Variants in ARMC2 observed in about 807,000 individuals in gnomAD.
ARMC2 encodes armadillo repeat containing 2, also known as armadillo repeat-containing protein 2.
A neutral mutation model predicts 90.3 loss-of-function variants in ARMC2; 67 were observed. The ratio of observed to expected loss-of-function variants is 0.74; its 90% CI spans 0.61 to 0.91. The LOEUF is 0.91. Among genes scored for constraint, ARMC2 ranks in the 40% least tolerant of loss-of-function variants. The pLI, the probability that ARMC2 is intolerant of heterozygous loss-of-function variation, is 0.00. For missense variants in ARMC2, 920 were observed against 1,030.9 expected, an observed-to-expected ratio of 0.89 and a Z score of 1.47; for synonymous variants, 393 against 393.0, an observed-to-expected ratio of 1.00 and a Z score of 0.00.
At chr6:108,872,891 G>A (rs1195697575) in intron 4 of ARMC2, among the ~76,000 whole-genome samples, 2 of 152,198 alleles carry the variant, frequency 1.3e-5, no homozygotes, top group African/African-American at 4.8e-5. Context: ...GGGAAACACT[G>A]CCTACCCCTC....
chr6:108,972,605 G>C (rs1189678963), intron 17 of ARMC2, among the ~76,000 whole-genome samples: 1 of 152,076 alleles, frequency 6.6e-6, no homozygotes, highest in East Asian at 1.9e-4. Context: ...CTGACTTTTA[G>C]ATACAAACTT....
At chr6:109,035,794 G>A in the ARMC2 span, among the ~76,000 whole-genome samples, 1,333 of 152,198 alleles carry the variant, frequency 8.8e-3, 24 homozygotes, top group African/African-American at 0.03. Flanking sequence ...TTTTTGTAGA[G>A]ATGGAGTCTT....
chr6:108,928,027 G>C (rs1775241365), intron 10 of ARMC2, 61 bp from the exon 11 acceptor site: 1 of 1,501,842 alleles, frequency 6.7e-7, no homozygotes, highest in Non-Finnish European at 9.0e-7. Context: ...GTACTATGCT[G>C]TTTCGTGTGG....
At chr6:108,987,761 T>C in the ARMC2 span, 1 of 485,584 alleles carries the variant, frequency 2.1e-6, no homozygotes, top group South Asian at 3.5e-5. Context: ...TAACTTAGCC[T>C]TGGGTTTGTT....
chr6:109,023,755 A>G, the ARMC2 span, among the ~76,000 whole-genome samples: 1 of 152,264 alleles, frequency 6.6e-6, no homozygotes, highest in Non-Finnish European at 1.5e-5. Context: ...TAAAATGAGT[A>G]AAATTACCAT....
intron 10 of ARMC2, among the ~76,000 whole-genome samples, chr6:108,921,225 A>AG (rs1774535554): frequency 6.6e-6 from 1 of 152,218 alleles, no homozygotes; most frequent in South Asian, 2.1e-4. Flanking sequence ...ATACATACAT[A>AG]GCCACAACTA....
the ARMC2 span, among the ~76,000 whole-genome samples, chr6:109,012,987 G>A: frequency 6.6e-6 from 1 of 151,920 alleles, no homozygotes; most frequent in African/African-American, 2.4e-5. Context: ...GTGGTGGTGT[G>A]CGCCTGTAGT....
At chr6:108,972,375 G>T (rs1173129166) in intron 17 of ARMC2, among the ~76,000 whole-genome samples, 1 of 152,186 alleles carries the variant, frequency 6.6e-6, no homozygotes, top group African/African-American at 2.4e-5. Flanking sequence ...GAGAGAGTTT[G>T]GGGGTGGAAA....
chr6:109,040,695 C>T, the ARMC2 span, among the ~76,000 whole-genome samples: 1 of 151,574 alleles, frequency 6.6e-6, no homozygotes, highest in African/African-American at 2.4e-5. Flanking sequence ...CTCTGTCGCC[C>T]AGGCTGGAGT....
chr6:108,882,238 C>T (rs1423157201), intron 5 of ARMC2, among the ~76,000 whole-genome samples: 1 of 151,730 alleles, frequency 6.6e-6, no homozygotes, highest in African/African-American at 2.4e-5. Flanking sequence ...AGATCAAGAC[C>T]ATCCTGGCTA....
At chr6:108,986,437 T>C in the ARMC2 span, 1 of 152,598 alleles carries the variant, frequency 6.6e-6, no homozygotes, top group African/African-American at 2.4e-5. Flanking sequence ...AGACAGCAAA[T>C]AAAATTGGAG....
Position 108,912,341 on chromosome 6 carries a change from T to C in ARMC2, c.1133T>C (p.Leu378Ser). The part of the protein sequence containing the change: ...LIQNDSILES[L>S]LEVLRSEDLQ... The stretch of plus-strand genomic sequence containing the variant: ...TAATTAATCTTTTTGACAGAATCAT[T>C]ATTGGAGGTACTAAGAAGTGAAGAC... Residue 378 changes from leucine to serine, a missense_variant, in exon 10 of 18, where the codon TTA becomes TCA. Leu to Ser is a moderately radical substitution (Grantham distance 145, BLOSUM62 -2). Transcript: ENST00000392644. 1 of 1,595,916 alleles carries C rather than the reference T, an allele frequency of 6.3e-7. No individual in the cohort carries two copies. Among genetic ancestry groups the C allele is most frequent in the South Asian group, 1.1e-5 (1 of 87,596 alleles).
the ARMC2 span, among the ~76,000 whole-genome samples, chr6:109,008,134 TTCTTTA>T: frequency 6.6e-6 from 1 of 152,228 alleles, no homozygotes; most frequent in Non-Finnish European, 1.5e-5. Context: ...CAAAATCTAT[TTCTTTA>T]TCTTTTAGTT....
At chr6:108,975,320 G>T (rs144113559), downstream of ARMC2, among the ~76,000 whole-genome samples, 474 of 152,204 alleles carry the variant, frequency 3.1e-3, 2 homozygotes, top group Non-Finnish European at 3.5e-3. Context: ...CCATGTCCCT[G>T]CAAAGGACAT....
chr6:108,991,854 A>C, the ARMC2 span, among the ~76,000 whole-genome samples: 1 of 152,210 alleles, frequency 6.6e-6, no homozygotes, highest in Non-Finnish European at 1.5e-5. Flanking sequence ...CAGAAGTAGG[A>C]ATCTTTAGCT....
chr6:108,896,365 TA>T (rs1211649963), intron 6 of ARMC2, among the ~76,000 whole-genome samples: 1 of 152,252 alleles, frequency 6.6e-6, no homozygotes, highest in Non-Finnish European at 1.5e-5. Context: ...CTTTCTAAAA[TA>T]TTAGATTGTT....
chr6:108,933,121 G>A (rs958057475), intron 11 of ARMC2, among the ~76,000 whole-genome samples: 4 of 151,590 alleles, frequency 2.6e-5, no homozygotes, highest in Non-Finnish European at 4.4e-5. Flanking sequence ...TTGGTAGTTT[G>A]ATAGGAATAG....
the ARMC2 span, among the ~76,000 whole-genome samples, chr6:108,984,969 G>A: frequency 3.3e-5 from 5 of 152,026 alleles, no homozygotes; most frequent in Admixed American, 6.6e-5. Context: ...AGCGTCTCTG[G>A]GAGAATGAGG....
the ARMC2 span, among the ~76,000 whole-genome samples, chr6:109,046,641 C>T: frequency 1.0e-4 from 14 of 139,438 alleles, no homozygotes; most frequent in Non-Finnish European, 1.4e-4. Flanking sequence ...AAGTGAGGAG[C>T]GCCTCTTCCC....
Sources: gnomAD v4.1 joint callset for allele counts (sites outside exome capture counted in the v4.1 genomes callset) on GRCh38, gnomAD v4.1.1 for gene constraint, MANE v1.5 for transcripts, NCBI Gene and HGNC (gene_info 2026-07-23, HGNC 2026-07-21) for gene names.